The following HTR3C variants were observed in gnomAD, a reference collection of about 807,000 sequenced individuals.
HTR3C encodes 5-HT3-C.
Under a neutral mutation model 40.5 loss-of-function variants are expected in HTR3C, and 32 were observed. The ratio of observed to expected loss-of-function variants is 0.79; its 90% confidence interval spans 0.60 to 1.06. The LOEUF is 1.06. Among genes scored for constraint, HTR3C ranks in the 50% least tolerant of loss-of-function variants. The pLI is 0.00. For synonymous variants in HTR3C, 209 were observed against 217.1 expected (o/e 0.96, Z 0.33); for missense variants, 523 against 556.8 (o/e 0.94, Z 0.61).
chr3:184,058,384 C>A (rs758639809), intron 5 of HTR3C, 43 bp from the exon 6 acceptor site: 1 of 1,522,364 alleles, frequency 6.6e-7, no homozygotes, highest in East Asian at 2.5e-5. Context: ...GGGCGGGAGG[C>A]TTGGGAAAAC....
At position 184,059,586 on chromosome 3, in the gene HTR3C, G is replaced by A. The variant is rs370508840; in HGVS notation, c.871G>A (p.Val291Ile). The A allele has an allele frequency of 9.3e-6, 15 of 1,613,530 alleles. No homozygotes were observed. Among genetic ancestry groups the A allele is most frequent in the Middle Eastern group, 1.6e-4 (1 of 6,084 alleles). Residue 291 changes from valine (V) to isoleucine (I), a missense_variant, in exon 7 of 9, where the codon GTC (valine) becomes ATC (isoleucine). By Grantham distance (29) the Val-to-Ile change is conservative. Transcript: ENST00000318351. ...GATAACACTTCTGCTGGGCTACAACGTCTTCCTGCTCATGATGAATGACTT... is the reference window on the plus strand; with the variant it reads ...GATAACACTTCTGCTGGGCTACAACATCTTCCTGCTCATGATGAATGACTT... ...FKITLLLGYN[V>I]FLLMMNDLLP...
intron 5 of HTR3C, among the ~76,000 whole-genome samples, chr3:184,057,384 G>A (rs1047112624): frequency 5.9e-5 from 9 of 152,016 alleles, no homozygotes; most frequent in Non-Finnish European, 8.8e-5. Context: ...AGGCTGCAGT[G>A]AGCTGTGATT....
At chr3:184,054,171 T>G (rs1209421140) in intron 1 of HTR3C, among the ~76,000 whole-genome samples, 1 of 152,118 alleles carries the variant, frequency 6.6e-6, no homozygotes, top group East Asian at 1.9e-4. Flanking sequence ...AAGAGCAAAA[T>G]AAATGCATAG....
intron 4 of HTR3C, among the ~76,000 whole-genome samples, chr3:184,056,512 C>T (rs936141693): frequency 6.6e-5 from 10 of 152,018 alleles, no homozygotes; most frequent in Non-Finnish European, 1.3e-4. Context: ...TTTGGGAGGC[C>T]GAGGCAGGTG....
At chr3:184,056,844 C>A in intron 4 of HTR3C, 31 bp from the exon 5 acceptor site, 2 of 1,556,568 alleles carry the variant, frequency 1.3e-6, no homozygotes, top group Middle Eastern at 1.9e-4. Flanking sequence ...GCTGATTAAG[C>A]CTCCATCTCT....
Position 184,056,864 on chromosome 3 carries a change from T to C in HTR3C, c.390-11T>C. The C allele has an allele frequency of 3.8e-6, 6 of 1,585,484 alleles. No homozygotes were observed. Among genetic ancestry groups the C allele is most frequent in the Non-Finnish European group, 5.2e-6 (6 of 1,160,846 alleles). ...TTAAGCCTCCATCTCTTCCCTCCCT[T>C]CCCCAAACAGCATGGATGTGGATCA... On this transcript the variant is annotated splice_polypyrimidine_tract_variant and intron_variant, in intron 4 of 8. Transcript: ENST00000318351.
At position 184,054,640 on chromosome 3, in the gene HTR3C, G is replaced by A. The variant is rs373545714; in HGVS notation, c.68-81G>A. The A allele has an allele frequency of 8.9e-3, 10,936 of 1,230,892 alleles. 59 individuals are homozygous for A. Among genetic ancestry groups the A allele is most frequent in the Non-Finnish European group, 0.011 (9,502 of 904,462 alleles). The allele number at this position is 1,230,892 out of a possible 1,614,324, so 76.2% of individuals were successfully genotyped here. On this transcript the variant is annotated intron_variant, in intron 1 of 8. Transcript: ENST00000318351. ...GGGGCTCACCTGCTCCTCTCAGTAC[G>A]TCCCCTATTTTATCTCTCTGCAGAG...
chr3:184,057,289 C>A (rs1276237870), intron 5 of HTR3C, among the ~76,000 whole-genome samples: 1 of 152,038 alleles, frequency 6.6e-6, no homozygotes, highest in Non-Finnish European at 1.5e-5. Flanking sequence ...CATAGTGAGA[C>A]CCCCATCTCT....
Position 184,060,012 on chromosome 3 carries a change from G to C in HTR3C, c.1110G>C (p.Lys370Asn). 1.2e-6 allele frequency: 2 copies of C among 1,613,888 alleles called. No individual in the cohort carries two copies. The highest frequency in any genetic ancestry group is 1.7e-6 in the Non-Finnish European group (2 of 1,179,978). Residue 370 changes from lysine to asparagine, a missense_variant, in exon 8 of 9, where the codon AAG becomes AAC. Lys to Asn is a moderately conservative substitution (Grantham distance 94). Coordinates refer to ENST00000318351, the MANE Select transcript of HTR3C (RefSeq NM_130770.3). ...CCPTAPQKGN[K>N]GLGLTLTHLP... ...CCACTGCGCCCCAGAAGGGAAATAA[G>C]GGCCTGGGTCTCACCCTCACCCACC...
At chr3:184,060,109 C>T in intron 8 of HTR3C, 41 bp from the exon 9 acceptor site, 1 of 1,605,060 alleles carries the variant, frequency 6.2e-7, no homozygotes, top group Non-Finnish European at 8.5e-7. Context: ...CTAATCCTGT[C>T]CCCTTCCCAC....
At chr3:184,057,625 T>G (rs1478968619) in intron 5 of HTR3C, among the ~76,000 whole-genome samples, 1 of 152,026 alleles carries the variant, frequency 6.6e-6, no homozygotes, top group Non-Finnish European at 1.5e-5. Context: ...TCCCAGCTAC[T>G]TGGGAAGCTG....
chr3:184,056,563 A>G (rs1723330496), intron 4 of HTR3C, among the ~76,000 whole-genome samples: 1 of 152,162 alleles, frequency 6.6e-6, no homozygotes, highest in African/African-American at 2.4e-5. Flanking sequence ...CCTGGCCAAC[A>G]TGGTGAAACC....
rs1723256521 is a variant in HTR3C, at chr3:184,053,084, G to A, written c.4G>A (p.Glu2Lys). The A allele has an allele frequency of 6.2e-7, 1 of 1,613,186 alleles. No individual in the cohort carries two copies. Among genetic ancestry groups the A allele is most frequent in the Non-Finnish European group, 8.5e-7 (1 of 1,179,200 alleles). Residue 2 changes from glutamate (E) to lysine (K), a missense_variant, in exon 1 of 9, where the codon GAA becomes AAA. Coordinates refer to ENST00000318351, the MANE Select transcript of HTR3C (RefSeq NM_130770.3). ...AGAGAAGAGTCCAGAAAGAAGAATG[G>A]AAGGAGGGTGGCCTGCAAGGCAGAG... M[E>K]GGWPARQSAL...
In HTR3C at chr3:184,059,466, A is replaced by C. The variant is rs761008474; in HGVS notation, c.751A>C (p.Ile251Leu). Reference sequence around the variant, plus strand: ...CATCAGGCGCAGGCCAAGCCTCTACATCATAAACCTGCTGGTGCCCAGTAG... The same window carrying C: ...CATCAGGCGCAGGCCAAGCCTCTACCTCATAAACCTGCTGGTGCCCAGTAG... ...VAIRRRPSLY[I>L]INLLVPSSFL... The change falls in exon 7 of 9, where the codon ATC becomes CTC. Residue 251 changes from isoleucine (I) to leucine (L), a missense_variant. Physicochemically the swap from Ile to Leu is conservative, Grantham distance 5. Coordinates refer to ENST00000318351, the MANE Select transcript of HTR3C (RefSeq NM_130770.3). The C allele has an allele frequency of 6.2e-6, 10 of 1,614,134 alleles. No individual in the cohort carries two copies. The highest frequency in any genetic ancestry group is 1.7e-5 in the Admixed American group (1 of 60,006).
In HTR3C at chr3:184,056,978, G is replaced by C; in HGVS notation, c.493G>C (p.Asp165His). ...PMRVTSICNL[D>H]IFYFPFDQQN... ...GAGGGTGACCAGCATCTGTAACCTG[G>C]ACATCTTCTACTTCCCTTTTGACCA... Residue 165 changes from aspartate to histidine, a missense_variant, in exon 5 of 9, where the codon GAC (aspartate) becomes CAC (histidine). Physicochemically the swap from Asp to His is moderately conservative, Grantham distance 81 (BLOSUM62 -1). Coordinates refer to ENST00000318351, the MANE Select transcript of HTR3C (RefSeq NM_130770.3). 2 of 1,613,572 alleles carry C rather than the reference G, an allele frequency of 1.2e-6. No individual in the cohort carries two copies. Among genetic ancestry groups the C allele is most frequent in the Non-Finnish European group, 1.7e-6 (2 of 1,179,562 alleles).
chr3:184,056,316 G>C, intron 4 of HTR3C, 30 bp downstream of exon 4: 1 of 1,478,168 alleles, frequency 6.8e-7, no homozygotes, highest in Non-Finnish European at 9.5e-7. Flanking sequence ...AAGCCAGCGT[G>C]AAACCTCATC....
rs377273716 is a variant in HTR3C at position 184,054,700 on chromosome 3, C to T, written c.68-21C>T. The T allele has an allele frequency of 6.8e-5, 105 of 1,541,514 alleles. No individual in the cohort carries two copies. The African/African-American group carries it at 1.0e-3, about 15-fold the overall frequency. On this transcript the variant is annotated intron_variant, in intron 1 of 8. Transcript: ENST00000318351. ...CCCTGGAAATAGAGTCCCTCTCTCA[C>T]GGAGTCTCTGCTCTCTATAGGAAGA...
intron 6 of HTR3C, among the ~76,000 whole-genome samples, 166 bp from the exon 7 acceptor site, chr3:184,059,270 C>A (rs924047313): frequency 7.9e-5 from 12 of 152,192 alleles, no homozygotes; most frequent in African/African-American, 2.9e-4. Flanking sequence ...AATTAGACAA[C>A]AAATCAGAGG....
chr3:184,056,096 AAAG>A, intron 3 of HTR3C, 78 bp from the exon 4 acceptor site: 1 of 868,220 alleles, frequency 1.2e-6, no homozygotes, highest in South Asian at 1.4e-5. Flanking sequence ...ATCAAGGTTT[AAAG>A]AAGAATGGAA....
Sources: gnomAD v4.1 joint callset for allele counts (sites outside exome capture counted in the v4.1 genomes callset) on GRCh38, gnomAD v4.1.1 for gene constraint, MANE v1.5 for transcripts, NCBI Gene and HGNC (gene_info 2026-07-23, HGNC 2026-07-21) for gene names.